The following PARVB variants were observed in gnomAD, a reference collection of about 807,000 sequenced individuals.
PARVB encodes beta-parvin.
A neutral mutation model predicts 47.0 loss-of-function variants in PARVB; 46 were observed. The observed-to-expected ratio is 0.98, with a 90% CI of 0.77 to 1.25. PARVB has a LOEUF of 1.25. PARVB is among the 50% of genes most tolerant of loss of function. The pLI is 0.00. For missense variants in PARVB, 473 were observed against 471.6 expected, an observed-to-expected ratio of 1.00 and a Z score of -0.03; for synonymous variants, 196 against 196.3, an observed-to-expected ratio of 1.00 and a Z score of 0.01.
intron 1 of PARVB, chr22:44,086,815 C>T: frequency 7.1e-6 from 7 of 985,458 alleles, no homozygotes; most frequent in Non-Finnish European, 8.4e-6. Flanking sequence ...AACCACACCC[C>T]TCTGAGTACG....
chr22:44,126,674 TC>T (rs1218846761), intron 4 of PARVB, among the ~76,000 whole-genome samples: 1 of 152,122 alleles, frequency 6.6e-6, no homozygotes, highest in African/African-American at 2.4e-5. Context: ...GTTGAAGCAG[TC>T]CCCCCAATTG....
rs1457214928 is a variant in PARVB at position 44,155,486 on chromosome 22, G to T, written c.844-2496G>T. 6.6e-6 allele frequency among the ~76,000 whole-genome samples: 1 copy of T among 152,152 alleles called. No homozygotes were observed. Among genetic ancestry groups the T allele is most frequent in the African/African-American group, 2.4e-5 (1 of 41,434 alleles). ...CTCCTTCCTGTGAGCCCGTGTGCTG[G>T]GACAGTGAGGAGACACCACGGAAGG... On this transcript the variant is annotated intron_variant, in intron 10 of 12. Coordinates refer to ENST00000338758, the MANE Select transcript of PARVB (RefSeq NM_013327.5). This position sits in a 1 kb window ranked among gnomAD's most constrained non-coding sequence, Gnocchi z 4.8.
chr22:44,171,503 A>AAAAG lies in PARVB; in HGVS notation c.*2833_*2836dup. On this transcript the variant is annotated 3_prime_UTR_variant, in exon 13 of 13. Transcript: ENST00000338758. ...GAGTGAGACTCTGTCTCAAAAAAAAAAAAGAAAGAAAAAAGAAAAAGAAAA... is the reference window on the plus strand; with the variant it reads ...GAGTGAGACTCTGTCTCAAAAAAAAAAAAGAAAGAAAGAAAAAAGAAAAAGAAAA... 1 of 152,302 alleles carries AAAAG rather than the reference A, an allele frequency of 6.6e-6. No homozygotes were observed. Among genetic ancestry groups the AAAAG allele is most frequent in the Non-Finnish European group, 1.5e-5 (1 of 68,510 alleles). 9.4% of individuals were successfully genotyped at this position (152,302 alleles called of 1,614,324 possible). A position where few individuals can be genotyped will look rare whatever the true frequency, so the allele number is the denominator to read the frequency against.
chr22:44,004,723 T>A (rs929040725), intron 2 of PARVB, among the ~76,000 whole-genome samples: 3 of 152,238 alleles, frequency 2.0e-5, no homozygotes, highest in Non-Finnish European at 4.4e-5. Context: ...TTTCTGGACC[T>A]ATGTCCGGCT....
At chr22:44,151,783 G>C in intron 10 of PARVB, 1 of 495,818 alleles carries the variant, frequency 2.0e-6, no homozygotes, top group South Asian at 2.2e-5. Flanking sequence ...ACAGACCTTT[G>C]TGTCCTCGAA....
chr22:44,023,029 G>A (rs556324223), upstream of PARVB, among the ~76,000 whole-genome samples: 11 of 152,136 alleles, frequency 7.2e-5, no homozygotes, highest in East Asian at 5.9e-4. Context: ...TTACAGGTGC[G>A]AGCCACTGCA....
At chr22:44,122,562 CAG>C (rs55865160) in intron 4 of PARVB, among the ~76,000 whole-genome samples, 10,766 of 78,354 alleles carry the variant, frequency 0.14, 882 homozygotes, top group Middle Eastern at 0.2. Context: ...GACACAGAGA[CAG>C]AGAGAGAGAG....
intron 2 of PARVB, among the ~76,000 whole-genome samples, chr22:44,007,984 A>G (rs2050483513): frequency 1.3e-5 from 2 of 152,210 alleles, no homozygotes; most frequent in South Asian, 4.1e-4. Context: ...TCTGCGTTGT[A>G]GGCTGAGTCA....
At chr22:44,088,691 C>T (rs1380333309) in intron 1 of PARVB, among the ~76,000 whole-genome samples, 1 of 152,080 alleles carries the variant, frequency 6.6e-6, no homozygotes, top group Non-Finnish European at 1.5e-5. Flanking sequence ...AGGCTGGTCT[C>T]GAAGTCCTGA....
At chr22:44,037,303 G>A (rs1439358212) in intron 1 of PARVB, among the ~76,000 whole-genome samples, 6 of 151,988 alleles carry the variant, frequency 3.9e-5, no homozygotes, top group Non-Finnish European at 8.8e-5. Context: ...TTTGCTTGTA[G>A]TCCCAGCTAC....
intron 5 of PARVB, among the ~76,000 whole-genome samples, chr22:44,132,529 A>G (rs1049202490): frequency 3.3e-5 from 5 of 152,088 alleles, no homozygotes; most frequent in Non-Finnish European, 5.9e-5. Context: ...AGTGCCAGAG[A>G]TAATAACGCA....
chr22:44,099,689 T>C (rs2052395791), intron 2 of PARVB, among the ~76,000 whole-genome samples: 2 of 152,202 alleles, frequency 1.3e-5, no homozygotes, highest in African/African-American at 4.8e-5. Flanking sequence ...CACAGGGAAC[T>C]ACCTGGTGCC....
At chr22:44,053,937 C>T (rs1377382528) in intron 1 of PARVB, among the ~76,000 whole-genome samples, 3 of 152,182 alleles carry the variant, frequency 2.0e-5, no homozygotes, top group African/African-American at 7.2e-5. Context: ...TCTCTGGAAG[C>T]TCCCTGAATC....
chr22:44,024,616 T>A (rs1297114151), intron 1 of PARVB, among the ~76,000 whole-genome samples, 165 bp downstream of exon 1: 2 of 151,746 alleles, frequency 1.3e-5, no homozygotes, highest in African/African-American at 2.4e-5. Flanking sequence ...CCAGGACCCG[T>A]AAACAACGGC....
intron 1 of PARVB, among the ~76,000 whole-genome samples, chr22:44,046,843 C>T (rs1039491221): frequency 5.3e-5 from 8 of 152,298 alleles, no homozygotes; most frequent in African/African-American, 1.9e-4. Flanking sequence ...AGTCTGCTGA[C>T]TTGAGCCTCT....
At chr22:44,074,317 C>T (rs1398704980) in intron 1 of PARVB, among the ~76,000 whole-genome samples, 1 of 152,202 alleles carries the variant, frequency 6.6e-6, no homozygotes, top group Non-Finnish European at 1.5e-5. Context: ...ACAGGAGACC[C>T]CTGCCTTAGT....
intron 2 of PARVB, among the ~76,000 whole-genome samples, chr22:44,094,345 C>G (rs576263557): frequency 2.6e-4 from 39 of 152,094 alleles, no homozygotes; most frequent in Middle Eastern, 3.4e-3. Flanking sequence ...CCACTCAGGG[C>G]CATGCCATGC....
intron 1 of PARVB, among the ~76,000 whole-genome samples, chr22:44,040,266 G>C (rs2050994270): frequency 6.7e-6 from 1 of 149,840 alleles, no homozygotes; most frequent in African/African-American, 2.6e-5. Flanking sequence ...TGATTAGAGG[G>C]AAAAGTACTG....
intron 12 of PARVB, among the ~76,000 whole-genome samples, chr22:44,165,420 G>A (rs1341440543): frequency 6.6e-6 from 1 of 152,220 alleles, no homozygotes; most frequent in Non-Finnish European, 1.5e-5. Context: ...CCAGCAGGGA[G>A]TGTGGCGAGC....
Sources: gnomAD v4.1 joint callset for allele counts (sites outside exome capture counted in the v4.1 genomes callset) on GRCh38, gnomAD v4.1.1 for gene constraint, Gnocchi (gnomAD v3.1) non-coding constraint, MANE v1.5 for transcripts, NCBI Gene and HGNC (gene_info 2026-07-23, HGNC 2026-07-21) for gene names.